Variants in EFCC1 observed in about 807,000 individuals in gnomAD.
The protein encoded by EFCC1 is EF-hand and coiled-coil domain-containing protein 1.
EFCC1 carries 50 observed loss-of-function variants against 52.1 expected under a neutral mutation model. The ratio of observed to expected loss-of-function variants is 0.96; its 90% CI spans 0.76 to 1.21. The LOEUF (loss-of-function observed/expected upper bound fraction) is 1.21. EFCC1 is among the 50% of genes most tolerant of loss of function. The pLI, the probability that EFCC1 is intolerant of heterozygous loss-of-function variation, is 0.00. For missense variants in EFCC1, 837 were observed against 867.3 expected (o/e 0.97, Z 0.44); for synonymous variants, 399 against 396.5 (o/e 1.01, Z -0.08).
rs749552684 is a variant in EFCC1, at chr3:129,032,918, C to T, written c.1238C>T (p.Ala413Val). Residue 413 changes from alanine (A) to valine (V), a missense_variant, in exon 4 of 8, where the codon GCA (alanine) becomes GTA (valine). Ala to Val is a moderately conservative substitution (Grantham distance 64). Transcript: ENST00000683648. ...ERWQEEKKTP[A>V]AEAKTLLARL... is the part of the protein sequence containing the mutation. ...TGGCAGGAGGAGAAGAAGACGCCGG[C>T]AGCCGAGGCCAAGACACTGCTGGCC... 184 of 1,550,646 alleles carry T rather than the reference C, an allele frequency of 1.2e-4. No individual in the cohort carries two copies. Among genetic ancestry groups the T allele is most frequent in the Non-Finnish European group, 1.6e-4 (180 of 1,146,764 alleles).
Position 129,003,783 on chromosome 3 carries a change from T to C in EFCC1, c.697-11T>C. 7.0e-7 allele frequency: 1 copy of C among 1,430,786 alleles called. No individual in the cohort carries two copies. The highest frequency in any genetic ancestry group is 9.1e-7 in the Non-Finnish European group (1 of 1,096,730). The allele number at this position is 1,430,786 out of a possible 1,614,324, so 88.6% of individuals were successfully genotyped here. A position where few individuals can be genotyped will look rare whatever the true frequency, so the allele number is the denominator to read the frequency against. On this transcript the variant is annotated splice_polypyrimidine_tract_variant and intron_variant, in intron 1 of 7. Transcript: ENST00000683648. ...CACTTACCCCCTGCCCCTGCTGCCC[T>C]GTCCCCGCAGGTCGGACTCTGGAAG...
At chr3:129,009,337 G>A (rs895697125) in intron 2 of EFCC1, among the ~76,000 whole-genome samples, 15 of 152,186 alleles carry the variant, frequency 9.9e-5, no homozygotes, top group African/African-American at 2.9e-4. Flanking sequence ...CTCACGTAGT[G>A]TTACCACGAT....
In EFCC1 at chr3:129,001,506, G is replaced by A; in HGVS notation, c.-123G>A. Reference sequence around the variant, plus strand: ...GCAGCTGCTGGACACGGTCCCCGGCGCCGCTCCAACCAGACCGCGACCGCT... The same window carrying A: ...GCAGCTGCTGGACACGGTCCCCGGCACCGCTCCAACCAGACCGCGACCGCT... On this transcript the variant is annotated 5_prime_UTR_variant, in exon 1 of 8. Coordinates refer to ENST00000683648, the MANE Select transcript of EFCC1 (RefSeq NM_001377500.1). 1.5e-6 allele frequency: 2 copies of A among 1,306,184 alleles called. No individual in the cohort carries two copies. The highest frequency in any genetic ancestry group is 2.2e-5 in the South Asian group (1 of 45,834). The allele number at this position is 1,306,184 out of a possible 1,614,324, so 80.9% of individuals were successfully genotyped here. A position where few individuals can be genotyped will look rare whatever the true frequency, so the allele number is the denominator to read the frequency against.
intron 2 of EFCC1, among the ~76,000 whole-genome samples, chr3:129,017,123 A>G (rs987897359): frequency 1.3e-5 from 2 of 152,236 alleles, no homozygotes; most frequent in Non-Finnish European, 2.9e-5. Context: ...TCCTCCTGGC[A>G]GACTTCCCCT....
rs536299915 is a variant in EFCC1 at position 129,022,574 on chromosome 3, C to T, written c.981-8129C>T. 6.6e-5 allele frequency among the ~76,000 whole-genome samples: 10 copies of T among 152,300 alleles called. No homozygotes were observed. In the East Asian group the frequency reaches 1.2e-3, roughly 18 times the overall value. On this transcript the variant is annotated intron_variant, in intron 2 of 7. Coordinates refer to ENST00000683648, the MANE Select transcript of EFCC1 (RefSeq NM_001377500.1). ...AGGAGGAAGACATCAGAGGCTCACC[C>T]GGCCTCCGGATGCTGTGCAGATGTG...
At chr3:129,026,535 C>G (rs1946115059) in intron 2 of EFCC1, among the ~76,000 whole-genome samples, 1 of 152,196 alleles carries the variant, frequency 6.6e-6, no homozygotes, top group Non-Finnish European at 1.5e-5. Flanking sequence ...GCAGTTCCTG[C>G]GAGAAAGTTG....
rs949180175 is a variant in EFCC1, at chr3:129,039,933, G to T, written c.*85G>T. On this transcript the variant is annotated 3_prime_UTR_variant, in exon 8 of 8. Transcript: ENST00000683648. ...ATGATCAGCCCAACCACTGACAGCT[G>T]GTCTGACCACCGTCACATCATCAGA... 1 of 1,469,054 alleles carries T rather than the reference G, an allele frequency of 6.8e-7. No individual in the cohort carries two copies. The highest frequency in any genetic ancestry group is 9.1e-7 in the Non-Finnish European group (1 of 1,102,362). 91.0% of individuals were successfully genotyped at this position (1,469,054 alleles called of 1,614,324 possible). A position where few individuals can be genotyped will look rare whatever the true frequency, so the allele number is the denominator to read the frequency against.
In EFCC1 at chr3:129,019,437, C is replaced by G. The variant is rs562302522; in HGVS notation, c.981-11266C>G. ...GTGTTTGTCTTAGTGGTTTGCTCAT[C>G]AGTCCAATAATTCCTTTGAGGATGT... On this transcript the variant is annotated intron_variant, in intron 2 of 7. Transcript: ENST00000683648. 8.5e-5 allele frequency among the ~76,000 whole-genome samples: 13 copies of G among 152,322 alleles called. No individual in the cohort carries two copies. In the South Asian group the frequency reaches 2.5e-3, roughly 29 times the overall value.
At chr3:129,016,001 C>G (rs1945566519) in intron 2 of EFCC1, among the ~76,000 whole-genome samples, 1 of 152,176 alleles carries the variant, frequency 6.6e-6, no homozygotes, top group Non-Finnish European at 1.5e-5. Flanking sequence ...TCTGCAGCTT[C>G]CTGAGACTTG....
At chr3:129,031,000 G>A in intron 3 of EFCC1, 140 bp downstream of exon 3, 7 of 1,191,526 alleles carry the variant, frequency 5.9e-6, no homozygotes, top group Non-Finnish European at 7.9e-6. Context: ...TGCTCAGGCT[G>A]GGCTGGGGCC....
At position 129,039,947 on chromosome 3, in the gene EFCC1, C is replaced by A; in HGVS notation, c.*99C>A. 1 of 1,428,846 alleles carries A rather than the reference C, an allele frequency of 7.0e-7. No homozygotes were observed. Among genetic ancestry groups the A allele is most frequent in the South Asian group, 1.4e-5 (1 of 69,280 alleles). The allele number at this position is 1,428,846 out of a possible 1,614,324, so 88.5% of individuals were successfully genotyped here. A position where few individuals can be genotyped will look rare whatever the true frequency, so the allele number is the denominator to read the frequency against. On this transcript the variant is annotated 3_prime_UTR_variant, in exon 8 of 8. Transcript: ENST00000683648. ...CACTGACAGCTGGTCTGACCACCGTCACATCATCAGAACTTGAGTCTCTGC... is the reference window on the plus strand; with the variant it reads ...CACTGACAGCTGGTCTGACCACCGTAACATCATCAGAACTTGAGTCTCTGC...
At chr3:129,039,580 G>A (rs540886341) in intron 7 of EFCC1, 132 bp from the exon 8 acceptor site, 16 of 1,392,340 alleles carry the variant, frequency 1.1e-5, no homozygotes, top group Non-Finnish European at 1.5e-5. Context: ...TCCACAGAGC[G>A]AGGAAGCTGG....
At chr3:129,037,452 C>T (rs1182917987) in intron 6 of EFCC1, among the ~76,000 whole-genome samples, 1 of 152,186 alleles carries the variant, frequency 6.6e-6, no homozygotes, top group Non-Finnish European at 1.5e-5. Flanking sequence ...AAATACAATA[C>T]TAGCAAACCA....
chr3:129,039,252 G>A (rs1268038676), intron 7 of EFCC1, among the ~76,000 whole-genome samples: 1 of 152,234 alleles, frequency 6.6e-6, no homozygotes. Flanking sequence ...TGAGGCACAG[G>A]GGTCAAGTGC....
intron 2 of EFCC1, among the ~76,000 whole-genome samples, chr3:129,016,057 A>G (rs149408052): frequency 0.011 from 1,707 of 152,320 alleles, 30 homozygotes; most frequent in African/African-American, 0.034. Context: ...AGAGAAAAAG[A>G]CAGCAGTGAC....
Position 129,014,625 on chromosome 3 carries a change from A to G in EFCC1, c.980+10548A>G, listed in dbSNP as rs577903089. Among the ~76,000 whole-genome samples the G allele has an allele frequency of 6.6e-6, 1 of 152,212 alleles. No individual in the cohort carries two copies. The highest frequency in any genetic ancestry group is 2.4e-5 in the African/African-American group (1 of 41,454). On this transcript the variant is annotated intron_variant, in intron 2 of 7. Transcript: ENST00000683648. This position sits in a 1 kb window ranked among gnomAD's most constrained non-coding sequence, Gnocchi z 4.3. ...TATGAGGAGCTCTGGGGGTCTGGAC[A>G]TCAACATATGAATTGGGGAGACACA...
At chr3:129,033,367 G>C (rs1468521859) in intron 4 of EFCC1, among the ~76,000 whole-genome samples, 1 of 152,120 alleles carries the variant, frequency 6.6e-6, no homozygotes, top group African/African-American at 2.4e-5. Flanking sequence ...CCACCCCCAT[G>C]GGGACCGAGG....
rs1238698922 is a variant in EFCC1, at chr3:129,010,007, G to C, written c.980+5930G>C. On this transcript the variant is annotated intron_variant, in intron 2 of 7. Coordinates refer to ENST00000683648, the MANE Select transcript of EFCC1 (RefSeq NM_001377500.1). The surrounding 1 kb of genome is among the most constrained non-coding windows in gnomAD (Gnocchi z 4.3). Reference sequence around the variant, plus strand: ...GGGAGCACAAGGGCTTGGCACTTCTGTGGCCTAGCACCCAGCCCAGCCTTG... The same window carrying C: ...GGGAGCACAAGGGCTTGGCACTTCTCTGGCCTAGCACCCAGCCCAGCCTTG... 1.3e-5 allele frequency among the ~76,000 whole-genome samples: 2 copies of C among 152,242 alleles called. No homozygotes were observed. The highest frequency in any genetic ancestry group is 2.4e-5 in the African/African-American group (1 of 41,456).
At chr3:129,030,568 T>G (rs906946452) in intron 2 of EFCC1, 135 bp from the exon 3 acceptor site, 44 of 1,006,926 alleles carry the variant, frequency 4.4e-5, no homozygotes, top group Non-Finnish European at 5.4e-5. Flanking sequence ...TATCTAGCAC[T>G]TCCTCCTGGA....
Sources: allele counts gnomAD v4.1 joint callset (sites outside exome capture counted in the v4.1 genomes callset), GRCh38; gene constraint gnomAD v4.1.1; non-coding constraint Gnocchi (gnomAD v3.1); transcripts MANE v1.5; gene names NCBI Gene and HGNC (gene_info 2026-07-23, HGNC 2026-07-21).